The following MAGI2 variants were observed in gnomAD, a reference collection of about 807,000 sequenced individuals.
MAGI2 encodes the protein membrane-associated guanylate kinase, WW and PDZ domain-containing protein 2.
Under a neutral mutation model 133.3 loss-of-function variants are expected in MAGI2, and 35 were observed. The observed-to-expected ratio is 0.26, with a 90% CI of 0.20 to 0.35. MAGI2 has a LOEUF of 0.35. Among genes scored for constraint, MAGI2 ranks in the 10% least tolerant of loss-of-function variants. MAGI2 has a pLI of 1.00. For missense variants in MAGI2, 1,636 were observed against 1,863.4 expected (o/e 0.88, Z 2.25); for synonymous variants, 729 against 710.6 (o/e 1.03, Z -0.41).
chr7:79,288,282 G>C (rs535899877), intron 1 of MAGI2, among the ~76,000 whole-genome samples: 1 of 152,074 alleles, frequency 6.6e-6, no homozygotes, highest in South Asian at 2.1e-4. Context: ...CTACCTTGCA[G>C]GGTTGTTGGA....
chr7:78,896,576 G>A (rs1797231700), intron 2 of MAGI2, among the ~76,000 whole-genome samples: 1 of 149,458 alleles, frequency 6.7e-6, no homozygotes, highest in Admixed American at 6.7e-5. Flanking sequence ...AAAATTATAT[G>A]TATATATTTG....
chr7:78,101,078 C>A (rs1818170034), intron 20 of MAGI2, among the ~76,000 whole-genome samples: 1 of 152,226 alleles, frequency 6.6e-6, no homozygotes, highest in Non-Finnish European at 1.5e-5. Flanking sequence ...GAAATGATAT[C>A]CTGTGTTCAT....
intron 2 of MAGI2, among the ~76,000 whole-genome samples, chr7:78,727,241 T>C (rs1354079919): frequency 1.3e-5 from 2 of 152,184 alleles, no homozygotes; most frequent in African/African-American, 4.8e-5. Context: ...AGTTGACCGA[T>C]ATTTTGTGTG....
At chr7:78,401,035 T>C (rs960298316) in intron 6 of MAGI2, among the ~76,000 whole-genome samples, 1 of 151,914 alleles carries the variant, frequency 6.6e-6, no homozygotes, top group African/African-American at 2.4e-5. Flanking sequence ...TGTCAGCTTC[T>C]ATCTAGAATG....
chr7:78,590,145 C>T (rs1368141989), intron 3 of MAGI2, among the ~76,000 whole-genome samples: 1 of 152,160 alleles, frequency 6.6e-6, no homozygotes, highest in Admixed American at 6.5e-5. Flanking sequence ...TGCAGGAAGA[C>T]TGTTGTGTTC....
chr7:78,445,056 G>A (rs1014474357), intron 6 of MAGI2, among the ~76,000 whole-genome samples: 1 of 151,710 alleles, frequency 6.6e-6, no homozygotes, highest in Non-Finnish European at 1.5e-5. Flanking sequence ...ATCTCCTTGG[G>A]TGGTTACATG....
At chr7:79,277,577 G>T (rs921916281) in intron 1 of MAGI2, among the ~76,000 whole-genome samples, 1 of 151,980 alleles carries the variant, frequency 6.6e-6, no homozygotes, top group African/African-American at 2.4e-5. Context: ...AATGATACAA[G>T]GAAGAATTTA....
chr7:78,626,680 G>A (rs1808382493), intron 3 of MAGI2, among the ~76,000 whole-genome samples: 1 of 151,948 alleles, frequency 6.6e-6, no homozygotes, highest in South Asian at 2.1e-4. Flanking sequence ...AGGCCAGTGA[G>A]GTAGAGTAAT....
chr7:78,690,622 T>C (rs187275530), intron 2 of MAGI2, among the ~76,000 whole-genome samples: 4 of 152,324 alleles, frequency 2.6e-5, no homozygotes, highest in Non-Finnish European at 5.9e-5. Context: ...ACACAAAAGA[T>C]ACTGAATATA....
At chr7:78,500,773 G>A (rs1310067864) in intron 5 of MAGI2, among the ~76,000 whole-genome samples, 1 of 152,176 alleles carries the variant, frequency 6.6e-6, no homozygotes, top group Non-Finnish European at 1.5e-5. Context: ...ACTGACATCT[G>A]ACACTGGGGT....
intron 6 of MAGI2, among the ~76,000 whole-genome samples, chr7:78,382,989 G>A (rs565566807): frequency 4.6e-5 from 7 of 152,016 alleles, no homozygotes; most frequent in African/African-American, 1.2e-4. Context: ...TATATACCAC[G>A]TTTTCTGTAT....
At chr7:79,404,093 T>A (rs1432397461) in intron 1 of MAGI2, among the ~76,000 whole-genome samples, 1 of 152,168 alleles carries the variant, frequency 6.6e-6, no homozygotes, top group Non-Finnish European at 1.5e-5. Flanking sequence ...TCGAACTGTC[T>A]GACAGTCTAG....
intron 1 of MAGI2, among the ~76,000 whole-genome samples, chr7:79,167,772 T>C (rs1426155776): frequency 1.3e-5 from 2 of 152,062 alleles, no homozygotes; most frequent in Non-Finnish European, 2.9e-5. Flanking sequence ...CCACCACTGT[T>C]GGGAACAGTC....
At chr7:78,194,849 C>A in intron 12 of MAGI2, 25 bp downstream of exon 12, 2 of 1,560,076 alleles carry the variant, frequency 1.3e-6, no homozygotes, top group East Asian at 2.3e-5. Flanking sequence ...TTAATGTACC[C>A]TTGTTTCATG....
At chr7:78,170,847 T>C (rs1015431640) in intron 14 of MAGI2, 3 of 151,912 alleles carry the variant, frequency 2.0e-5, no homozygotes, top group African/African-American at 7.2e-5. Context: ...AGTTACATTA[T>C]ATAATGTGTC....
chr7:78,132,206 A>G (rs2030466141), intron 18 of MAGI2, among the ~76,000 whole-genome samples: 1 of 152,152 alleles, frequency 6.6e-6, no homozygotes, highest in Non-Finnish European at 1.5e-5. Context: ...AAATCCTTCA[A>G]CATTCTCCCT....
chr7:78,825,126 T>C (rs1246052120), intron 2 of MAGI2, among the ~76,000 whole-genome samples: 3 of 152,108 alleles, frequency 2.0e-5, no homozygotes, highest in Non-Finnish European at 4.4e-5. Context: ...TGCTGAAACC[T>C]AGCATGCATC....
chr7:78,143,635 A>G (rs1822984827), intron 16 of MAGI2, among the ~76,000 whole-genome samples: 1 of 152,170 alleles, frequency 6.6e-6, no homozygotes, highest in African/African-American at 2.4e-5. Context: ...TTTTTTGAAG[A>G]AGCATTTATA....
Position 78,041,491 on chromosome 7 carries a change from C to T in MAGI2, c.3707-21515G>A, listed in dbSNP as rs146260280. Among the ~76,000 whole-genome samples the T allele has an allele frequency of 6.0e-3, 918 of 152,160 alleles. 5 individuals carry two copies. The highest frequency in any genetic ancestry group is 0.021 in the African/African-American group (867 of 41,518). Reference sequence around the variant, plus strand: ...AGGAGTTTGAGACCACCCTGGGCAACATAGCAAGATTCTGACTCTACAAAA... The same window carrying T: ...AGGAGTTTGAGACCACCCTGGGCAATATAGCAAGATTCTGACTCTACAAAA... On this transcript the variant is annotated intron_variant, in intron 21 of 21. Transcript: ENST00000354212.
Sources: gnomAD v4.1 joint callset for allele counts (sites outside exome capture counted in the v4.1 genomes callset) on GRCh38, gnomAD v4.1.1 for gene constraint, MANE v1.5 for transcripts, NCBI Gene and HGNC (gene_info 2026-07-23, HGNC 2026-07-21) for gene names.